The following JAZF1 variants were observed in gnomAD, a reference collection of about 807,000 sequenced individuals.
JAZF1 encodes the protein JAZF zinc finger 1.
A neutral mutation model predicts 26.4 loss-of-function variants in JAZF1; 8 were observed. That is an observed-to-expected ratio of 0.30 (90% CI 0.18 to 0.55). The LOEUF is 0.55. Among genes scored for constraint, JAZF1 ranks in the 20% least tolerant of loss-of-function variants. The probability of loss-of-function intolerance (pLI) is 0.94; values close to 1 mark genes in which losing one functional copy is unlikely to be tolerated. For synonymous variants in JAZF1, 126 were observed against 122.3 expected (o/e 1.03, Z -0.20); for missense variants, 199 against 322.0 (o/e 0.62, Z 2.92).
At chr7:27,971,075 G>C (rs1449644199) in intron 2 of JAZF1, among the ~76,000 whole-genome samples, 2 of 152,212 alleles carry the variant, frequency 1.3e-5, no homozygotes, top group Admixed American at 6.5e-5. Flanking sequence ...TGAAAACAAT[G>C]AGAGAAGGGA....
Position 28,117,923 on chromosome 7 carries a change from A to G in JAZF1, c.115+62540T>C, listed in dbSNP as rs557867786. ...GTTTAAAAAGCAAGCAATACAACAC[A>G]ATTAAAGTCTGGCAAAACTCACAGA... On this transcript the variant is annotated intron_variant, in intron 1 of 4. Transcript: ENST00000283928. 8.0e-4 allele frequency among the ~76,000 whole-genome samples: 122 copies of G among 152,290 alleles called. No individual in the cohort carries two copies. The Middle Eastern group carries it at 0.01, about 13-fold the overall frequency.
At chr7:27,964,290 A>AG (rs1253861381) in intron 2 of JAZF1, among the ~76,000 whole-genome samples, 2 of 123,438 alleles carry the variant, frequency 1.6e-5, no homozygotes, top group East Asian at 5.1e-4. Flanking sequence ...TGGAACAATG[A>AG]AAAATGTTTG....
chr7:28,068,205 G>A (rs1007568738), intron 1 of JAZF1, among the ~76,000 whole-genome samples: 3 of 149,584 alleles, frequency 2.0e-5, no homozygotes, highest in Admixed American at 6.6e-5. Flanking sequence ...GTAAGCCACC[G>A]TGCTCAGCCT....
chr7:28,028,235 C>T (rs1783125734), intron 1 of JAZF1, among the ~76,000 whole-genome samples: 1 of 152,180 alleles, frequency 6.6e-6, no homozygotes, highest in South Asian at 2.1e-4. Context: ...TATTTCATTG[C>T]TTGTTGCCAT....
At chr7:27,978,495 C>A (rs779925155) in intron 2 of JAZF1, among the ~76,000 whole-genome samples, 6 of 151,970 alleles carry the variant, frequency 3.9e-5, no homozygotes, top group Non-Finnish European at 5.9e-5. Flanking sequence ...TTTTCCCAGA[C>A]GATGATGAGT....
At chr7:28,075,686 C>A (rs1784040528) in intron 1 of JAZF1, among the ~76,000 whole-genome samples, 1 of 152,068 alleles carries the variant, frequency 6.6e-6, no homozygotes, top group Non-Finnish European at 1.5e-5. Context: ...ATAGTGTTTC[C>A]TATAGTGAAT....
chr7:28,175,370 T>C (rs1783533350), intron 1 of JAZF1, among the ~76,000 whole-genome samples: 2 of 152,206 alleles, frequency 1.3e-5, no homozygotes, highest in Admixed American at 6.5e-5. Flanking sequence ...ATCTCGAAGG[T>C]AGACTCTGAC....
chr7:27,982,942 G>A (rs368661453), intron 2 of JAZF1, among the ~76,000 whole-genome samples: 7 of 152,148 alleles, frequency 4.6e-5, no homozygotes, highest in Non-Finnish European at 7.3e-5. Flanking sequence ...CCATCTGTAC[G>A]TCACCATTGT....
chr7:27,846,398 C>T (rs777754233), intron 3 of JAZF1: 171 of 443,994 alleles, frequency 3.9e-4, no homozygotes, highest in Non-Finnish European at 5.3e-4. Flanking sequence ...TATACATATA[C>T]GTATACATGT....
intron 1 of JAZF1, among the ~76,000 whole-genome samples, chr7:28,009,977 T>G (rs562960092): frequency 2.0e-5 from 3 of 152,202 alleles, no homozygotes; most frequent in Admixed American, 2.0e-4. Flanking sequence ...AGGTAAAACA[T>G]AGAAGATCAT....
At chr7:27,920,773 C>T (rs948798276) in intron 2 of JAZF1, among the ~76,000 whole-genome samples, 2 of 151,954 alleles carry the variant, frequency 1.3e-5, no homozygotes, top group Non-Finnish European at 2.9e-5. Context: ...GATAAATTAC[C>T]ATAATATAAT....
chr7:27,921,049 T>C (rs777320806), intron 2 of JAZF1, among the ~76,000 whole-genome samples: 84 of 152,262 alleles, frequency 5.5e-4, no homozygotes, highest in Admixed American at 1.2e-3. Flanking sequence ...TATAAATTAC[T>C]TGAAATACTG....
intron 1 of JAZF1, among the ~76,000 whole-genome samples, chr7:28,015,904 G>A (rs561620920): frequency 4.5e-4 from 68 of 152,224 alleles, no homozygotes; most frequent in African/African-American, 1.6e-3. Context: ...CTGCTCCCCA[G>A]GCTCCAGGTC....
At chr7:27,934,309 C>T (rs1044461930) in intron 2 of JAZF1, among the ~76,000 whole-genome samples, 3 of 152,104 alleles carry the variant, frequency 2.0e-5, no homozygotes, top group Admixed American at 1.3e-4. Flanking sequence ...TAGTAAATTA[C>T]GTGGTTTACC....
intron 1 of JAZF1, among the ~76,000 whole-genome samples, chr7:28,178,374 TTGTC>T (rs1783579005): frequency 6.6e-6 from 1 of 152,194 alleles, no homozygotes; most frequent in Non-Finnish European, 1.5e-5. Flanking sequence ...TTTAACCAGC[TTGTC>T]TAAGTAGGTA....
At chr7:27,985,522 G>T (rs977085128) in intron 2 of JAZF1, among the ~76,000 whole-genome samples, 8 of 152,286 alleles carry the variant, frequency 5.3e-5, no homozygotes, top group African/African-American at 1.9e-4. Flanking sequence ...TCTACCAGAG[G>T]TACAAAGAGG....
At chr7:27,855,930 A>T in intron 3 of JAZF1, among the ~76,000 whole-genome samples, 1 of 152,226 alleles carries the variant, frequency 6.6e-6, no homozygotes, top group Admixed American at 6.5e-5. Flanking sequence ...TTTCAGGCCA[A>T]CGTCCCTGTT....
intron 4 of JAZF1, among the ~76,000 whole-genome samples, chr7:27,838,784 G>A: frequency 6.6e-6 from 1 of 152,222 alleles, no homozygotes; most frequent in Non-Finnish European, 1.5e-5. Context: ...GTGGTCACAA[G>A]CCTGCTATGG....
chr7:28,163,012 T>C (rs778841727), intron 1 of JAZF1, among the ~76,000 whole-genome samples: 2 of 152,232 alleles, frequency 1.3e-5, no homozygotes, highest in Non-Finnish European at 2.9e-5. Context: ...GGATCATGTC[T>C]TCTGGAGGCC....
Sources: gnomAD v4.1 joint callset for allele counts (sites outside exome capture counted in the v4.1 genomes callset) on GRCh38, gnomAD v4.1.1 for gene constraint, MANE v1.5 for transcripts, NCBI Gene and HGNC (gene_info 2026-07-23, HGNC 2026-07-21) for gene names.